ACOT8: variants seen among roughly 807,000 people sequenced by gnomAD.
ACOT8 encodes the protein acyl-CoA thioesterase 8, also known as acyl-coenzyme A thioesterase 8.
ACOT8 carries 31 observed loss-of-function variants against 38.4 expected under a neutral mutation model. The observed-to-expected ratio is 0.81, with a 90% CI of 0.61 to 1.09. The LOEUF (loss-of-function observed/expected upper bound fraction) is 1.09, where lower values mean the gene tolerates loss of function less well. Ranked by LOEUF, ACOT8 falls within the 50% of genes least tolerant of loss-of-function variation. ACOT8 has a pLI of 0.00. For missense variants in ACOT8, 373 were observed against 421.8 expected, an observed-to-expected ratio of 0.88 and a Z score of 1.01; for synonymous variants, 158 against 170.3, an observed-to-expected ratio of 0.93 and a Z score of 0.56.
In ACOT8 at chr20:45,841,967, G is replaced by C; in HGVS notation, c.842-11C>G. 1 of 1,612,934 alleles carries C rather than the reference G, an allele frequency of 6.2e-7. No homozygotes were observed. Among genetic ancestry groups the C allele is most frequent in the Non-Finnish European group, 8.5e-7 (1 of 1,179,922 alleles). On this transcript the variant is annotated splice_polypyrimidine_tract_variant and intron_variant, in intron 5 of 5. Transcript: ENST00000217455. The stretch of plus-strand genomic sequence containing the variant: ...GCCCCCGAGAGCCACCTGTGGGTGA[G>C]GTGAAGGGTGATGATGGCCTGCTTC...
chr20:45,845,108 A>G (rs1347478558), intron 3 of ACOT8, among the ~76,000 whole-genome samples: 1 of 151,892 alleles, frequency 6.6e-6, no homozygotes, highest in Non-Finnish European at 1.5e-5. Context: ...CTTTATTTTG[A>G]GACGGAGTCT....
intron 2 of ACOT8, among the ~76,000 whole-genome samples, chr20:45,854,712 T>G (rs1357496213): frequency 6.6e-6 from 1 of 152,132 alleles, no homozygotes; most frequent in Non-Finnish European, 1.5e-5. Context: ...TTGGTTTGTT[T>G]TTATTGACCC....
chr20:45,846,872 G>A (rs1319227443), intron 3 of ACOT8, among the ~76,000 whole-genome samples: 5 of 152,080 alleles, frequency 3.3e-5, no homozygotes, highest in African/African-American at 7.2e-5. Context: ...TAATGGTTAG[G>A]GGAAAATACA....
At chr20:45,843,447 C>T (rs374190319) in intron 5 of ACOT8, 80 bp downstream of exon 5, 167 of 1,524,884 alleles carry the variant, frequency 1.1e-4, no homozygotes, top group Admixed American at 1.9e-4. Context: ...CACAGGAAGT[C>T]GGGAAATCAG....
chr20:45,849,595 C>T (rs1440056236), intron 2 of ACOT8, among the ~76,000 whole-genome samples: 6 of 152,050 alleles, frequency 3.9e-5, no homozygotes, highest in African/African-American at 7.2e-5. Flanking sequence ...GGACTACAGG[C>T]GTGCGCCGCT....
intron 2 of ACOT8, among the ~76,000 whole-genome samples, chr20:45,854,571 C>T (rs1985290961): frequency 6.6e-6 from 1 of 152,166 alleles, no homozygotes; most frequent in Non-Finnish European, 1.5e-5. Flanking sequence ...TAGAGATCAT[C>T]CCACTAAAAT....
At chr20:45,848,370 C>T (rs577608363) in intron 3 of ACOT8, 80 bp downstream of exon 3, 3 of 1,240,966 alleles carry the variant, frequency 2.4e-6, no homozygotes, top group East Asian at 4.7e-5. Flanking sequence ...TGGTCAAGAC[C>T]CACTAAAGGA....
At chr20:45,845,175 G>A (rs1029465900) in intron 3 of ACOT8, among the ~76,000 whole-genome samples, 3 of 152,008 alleles carry the variant, frequency 2.0e-5, no homozygotes, top group Non-Finnish European at 2.9e-5. Context: ...TGCAACCTCC[G>A]CCTCCCAGGT....
intron 2 of ACOT8, 77 bp downstream of exon 2, chr20:45,855,082 T>A: frequency 6.3e-7 from 1 of 1,576,344 alleles, no homozygotes; most frequent in Non-Finnish European, 8.6e-7. Context: ...TCTCTTCCCT[T>A]TTGACCTCAG....
At chr20:45,846,118 G>C (rs1331860524) in intron 3 of ACOT8, among the ~76,000 whole-genome samples, 1 of 152,198 alleles carries the variant, frequency 6.6e-6, no homozygotes, top group Non-Finnish European at 1.5e-5. Context: ...GGGATTACAG[G>C]CATGAACCAC....
In ACOT8 at chr20:45,844,348, G is replaced by C. The variant is rs754039173; in HGVS notation, c.561C>G (p.Ile187Met). 1 of 1,614,006 alleles carries C rather than the reference G, an allele frequency of 6.2e-7. No individual in the cohort carries two copies. Among genetic ancestry groups the C allele is most frequent in the Admixed American group, 1.7e-5 (1 of 59,988 alleles). ...TCAGGGGGGATGGGTTTACTGGCTT[G>C]ATCTCAATGGGGACCTCCTGAGCAG... ...RIAAQEVPIEIKPVNPSPLSQ... is the reference protein window; with the variant it reads ...RIAAQEVPIEMKPVNPSPLSQ... The change falls in exon 4 of 6, where the codon ATC becomes ATG. Residue 187 changes from isoleucine to methionine, a missense_variant. Physicochemically the swap from Ile to Met is conservative, Grantham distance 10. Coordinates refer to ENST00000217455, the MANE Select transcript of ACOT8 (RefSeq NM_005469.4).
At chr20:45,842,335 G>T in intron 5 of ACOT8, 1 of 1,387,080 alleles carries the variant, frequency 7.2e-7, no homozygotes, top group Non-Finnish European at 9.3e-7. Flanking sequence ...TCCTCAAAAA[G>T]ATCACAGAGG....
In ACOT8 at chr20:45,857,390, G is replaced by C. The variant is rs960505183; in HGVS notation, c.-75C>G. Reference sequence around the variant, plus strand: ...GACATACACAGAACCTGACTCTTCCGGCAGATTGCCCTAGTAACCGGAAGT... The same window carrying C: ...GACATACACAGAACCTGACTCTTCCCGCAGATTGCCCTAGTAACCGGAAGT... On this transcript the variant is annotated 5_prime_UTR_variant, in exon 1 of 6. Transcript: ENST00000217455. 3.3e-6 allele frequency: 5 copies of C among 1,504,468 alleles called. No individual in the cohort carries two copies. In the African/African-American group the frequency reaches 7.0e-5, roughly 21 times the overall value. 93.2% of individuals were successfully genotyped at this position (1,504,468 alleles called of 1,614,324 possible). A position where few individuals can be genotyped will look rare whatever the true frequency, so the allele number is the denominator to read the frequency against.
chr20:45,842,963 G>C (rs1984353230), intron 5 of ACOT8: 2 of 1,015,596 alleles, frequency 2.0e-6, no homozygotes, highest in Non-Finnish European at 2.4e-6. Flanking sequence ...AACGAGTCTT[G>C]TTTCTCTCCC....
intron 3 of ACOT8, among the ~76,000 whole-genome samples, chr20:45,844,741 C>A (rs1984552433): frequency 1.3e-5 from 2 of 152,172 alleles, no homozygotes; most frequent in Admixed American, 1.3e-4. Context: ...ATAAGGCATA[C>A]CCTGTAATAT....
intron 2 of ACOT8, among the ~76,000 whole-genome samples, chr20:45,849,840 A>G (rs1309894320): frequency 3.9e-5 from 6 of 152,192 alleles, no homozygotes; most frequent in Non-Finnish European, 7.3e-5. Context: ...AATGCTCTGT[A>G]GTGGAAAAAA....
chr20:45,849,452 AT>A (rs58429995), intron 2 of ACOT8, among the ~76,000 whole-genome samples: 17,979 of 127,492 alleles, frequency 0.14, 1,339 homozygotes, highest in South Asian at 0.26. Context: ...TACCCAGCTA[AT>A]TTTTTTTTTT....
At chr20:45,842,157 G>A (rs1984232353) in intron 5 of ACOT8, 1 of 1,524,460 alleles carries the variant, frequency 6.6e-7, no homozygotes, top group Admixed American at 2.0e-5. Flanking sequence ...TGGACTTCTT[G>A]CAAAGGGTCT....
intron 2 of ACOT8, among the ~76,000 whole-genome samples, chr20:45,853,197 T>C (rs1205586548): frequency 6.6e-6 from 1 of 152,238 alleles, no homozygotes; most frequent in Admixed American, 6.5e-5. Context: ...GCTCTCTCAT[T>C]GTTTAGAATT....
Sources: gnomAD v4.1 joint callset for allele counts (sites outside exome capture counted in the v4.1 genomes callset) on GRCh38, gnomAD v4.1.1 for gene constraint, MANE v1.5 for transcripts, NCBI Gene and HGNC (gene_info 2026-07-23, HGNC 2026-07-21) for gene names.